PARP15: variants seen among roughly 807,000 people sequenced by gnomAD.
PARP15 encodes the protein protein mono-ADP-ribosyltransferase PARP15.
A neutral mutation model predicts 62.1 loss-of-function variants in PARP15; 50 were observed. The ratio of observed to expected loss-of-function variants is 0.81; its 90% CI spans 0.64 to 1.02. The LOEUF (loss-of-function observed/expected upper bound fraction) is 1.02. Ranked by LOEUF, PARP15 falls within the 50% of genes least tolerant of loss-of-function variation. The pLI, the probability that PARP15 is intolerant of heterozygous loss-of-function variation, is 0.00. For missense variants in PARP15, 820 were observed against 826.5 expected, an observed-to-expected ratio of 0.99 and a Z score of 0.10; for synonymous variants, 309 against 293.1, an observed-to-expected ratio of 1.05 and a Z score of -0.55.
intron 4 of PARP15, among the ~76,000 whole-genome samples, chr3:122,614,429 C>G (rs546445287): frequency 2.6e-5 from 4 of 152,084 alleles, no homozygotes; most frequent in African/African-American, 9.7e-5. Flanking sequence ...TCCCAGAGTT[C>G]CCCAGAAACA....
rs1291164754 is a variant in PARP15 at position 122,610,620 on chromosome 3, G to A, written c.433G>A (p.Glu145Lys). 6 of 1,551,622 alleles carry A rather than the reference G, an allele frequency of 3.9e-6. No individual in the cohort carries two copies. The highest frequency in any genetic ancestry group is 4.4e-6 in the Non-Finnish European group (5 of 1,146,990). The change falls in exon 3 of 12, where the codon GAG becomes AAG. Residue 145 changes from glutamate (E) to lysine (K), a missense_variant. Glu to Lys is a moderately conservative substitution (Grantham distance 56). Transcript: ENST00000464300. ...KELDDRRRET[E>K]EKVGNIFMTS... The stretch of plus-strand genomic sequence containing the variant: ...GTTAGATGACAGAAGGCGGGAAACA[G>A]AGGAAAAAGTAGGTAACATATTCAT...
At chr3:122,621,197 C>A (rs753247845) in intron 7 of PARP15, among the ~76,000 whole-genome samples, 12 of 152,080 alleles carry the variant, frequency 7.9e-5, no homozygotes, top group Non-Finnish European at 1.6e-4. Context: ...GAGGATTGAG[C>A]AGATTGATGC....
Position 122,636,110 on chromosome 3 carries a change from T to C in PARP15, c.*10T>C. On this transcript the variant is annotated 3_prime_UTR_variant, in exon 12 of 12. Transcript: ENST00000464300. ...AACTTTCACGGCTTAAAAATATTTT[T>C]ATCATCAAAGAGATGATTTAAGTCA... The C allele has an allele frequency of 6.2e-7, 1 of 1,602,404 alleles. No individual in the cohort carries two copies. Among genetic ancestry groups the C allele is most frequent in the Non-Finnish European group, 8.5e-7 (1 of 1,171,642 alleles).
chr3:122,617,691 C>T (rs1053637702), intron 6 of PARP15, among the ~76,000 whole-genome samples: 8 of 152,166 alleles, frequency 5.3e-5, no homozygotes, highest in Non-Finnish European at 1.0e-4. Flanking sequence ...GCCCTCCCCT[C>T]ATATGTCTAT....
At chr3:122,631,020 C>T (rs899021790) in intron 9 of PARP15, among the ~76,000 whole-genome samples, 1 of 152,172 alleles carries the variant, frequency 6.6e-6, no homozygotes, top group Non-Finnish European at 1.5e-5. Context: ...TTTCCAGCCT[C>T]AGGGCATGAA....
At position 122,610,565 on chromosome 3, in the gene PARP15, G is replaced by A. The variant is rs1220141764; in HGVS notation, c.378G>A (p.Leu126=). The part of the protein sequence containing the change: ...LGGGPLSRAF[L]QKAGPMLQKE... ...GAGGACCACTATCTCGGGCATTTTT[G>A]CAGAAAGCTGGTCCCATGCTCCAGA... Residue 126 remains leucine, a synonymous_variant, in exon 3 of 12, where the codon TTG becomes TTA. Coordinates refer to ENST00000464300, the MANE Select transcript of PARP15 (RefSeq NM_001113523.3). 1.3e-6 allele frequency: 2 copies of A among 1,551,590 alleles called. No homozygotes were observed. The highest frequency in any genetic ancestry group is 1.7e-6 in the Non-Finnish European group (2 of 1,147,020).
intron 9 of PARP15, among the ~76,000 whole-genome samples, chr3:122,631,731 T>G (rs1937070774): frequency 6.6e-6 from 1 of 152,240 alleles, no homozygotes; most frequent in South Asian, 2.1e-4. Flanking sequence ...TAAATATTAC[T>G]GATAAAAGCA....
At chr3:122,579,999 G>GTA (rs59527124) in intron 1 of PARP15, among the ~76,000 whole-genome samples, 4,733 of 63,852 alleles carry the variant, frequency 0.074, 252 homozygotes, top group Non-Finnish European at 0.099. Flanking sequence ...GCAACTATAT[G>GTA]TATATATATA....
chr3:122,626,857 C>A lies in PARP15; in HGVS notation c.1262C>A (p.Ala421Asp). The A allele has an allele frequency of 6.2e-7, 1 of 1,612,808 alleles. No homozygotes were observed. Among genetic ancestry groups the A allele is most frequent in the South Asian group, 1.1e-5 (1 of 90,462 alleles). Residue 421 changes from alanine to aspartate, a missense_variant, in exon 9 of 12, where the codon GCT becomes GAT. Around this residue, in one of 3 missense-constraint regions of PARP15, gnomAD observed 731 missense variants for 727.7 expected, o/e 1.00. Transcript: ENST00000464300. ...GCCGGAAAAAACCCTATCACAGTTG[C>A]TGATAACATAATCGATGCTATTGTA... ...GNAGKNPITV[A>D]DNIIDAIVDF...
intron 1 of PARP15, among the ~76,000 whole-genome samples, chr3:122,580,011 A>G (rs9798886): frequency 0.14 from 16,013 of 115,450 alleles, 1,675 homozygotes; most frequent in East Asian, 0.28. Flanking sequence ...ATATATATAT[A>G]TATATATATA....
At chr3:122,620,271 G>A (rs1389149083) in intron 7 of PARP15, among the ~76,000 whole-genome samples, 1 of 152,202 alleles carries the variant, frequency 6.6e-6, no homozygotes, top group African/African-American at 2.4e-5. Context: ...GTGAAGTGCT[G>A]TACAAACTTT....
intron 1 of PARP15, among the ~76,000 whole-genome samples, chr3:122,592,979 T>C (rs1360860881): frequency 6.6e-6 from 1 of 152,202 alleles, no homozygotes; most frequent in Non-Finnish European, 1.5e-5. Flanking sequence ...TACTTCATTT[T>C]TGTAAATCAT....
At chr3:122,628,071 T>C (rs1936844687) in intron 9 of PARP15, among the ~76,000 whole-genome samples, 1 of 152,242 alleles carries the variant, frequency 6.6e-6, no homozygotes, top group South Asian at 2.1e-4. Context: ...TCTTCTCAGC[T>C]ATGTTGTCTT....
chr3:122,594,809 C>T, intron 1 of PARP15: 1 of 982,194 alleles, frequency 1.0e-6, no homozygotes, highest in Non-Finnish European at 1.2e-6. Context: ...TTCAGATTTC[C>T]TCAGAACCTT....
At chr3:122,624,974 C>G (rs1441666833) in intron 8 of PARP15, among the ~76,000 whole-genome samples, 1 of 152,092 alleles carries the variant, frequency 6.6e-6, no homozygotes, top group Non-Finnish European at 1.5e-5. Context: ...AGCCATGCAG[C>G]CTGGTCCCAA....
intron 6 of PARP15, among the ~76,000 whole-genome samples, chr3:122,619,076 A>G (rs1936172259): frequency 1.3e-5 from 2 of 152,234 alleles, no homozygotes; most frequent in Admixed American, 1.3e-4. Context: ...ACTAACATTC[A>G]TTCAATATTT....
In PARP15 at chr3:122,638,741, T is replaced by C. The variant is rs900507449; in HGVS notation, c.*2641T>C. ...GTAGATTGCAAAAATTTTCTCCCAT[T>C]CTGTAGGTTGCCTGTTCACTCTGAT... On this transcript the variant is annotated 3_prime_UTR_variant, in exon 12 of 12. Transcript: ENST00000464300. 1.3e-5 allele frequency: 2 copies of C among 152,192 alleles called. No individual in the cohort carries two copies. Among genetic ancestry groups the C allele is most frequent in the Non-Finnish European group, 2.9e-5 (2 of 68,036 alleles). 9.4% of individuals were successfully genotyped at this position (152,192 alleles called of 1,614,324 possible). A position where few individuals can be genotyped will look rare whatever the true frequency, so the allele number is the denominator to read the frequency against.
intron 9 of PARP15, among the ~76,000 whole-genome samples, chr3:122,628,584 T>C (rs1254816488): frequency 1.3e-5 from 2 of 152,202 alleles, no homozygotes; most frequent in African/African-American, 4.8e-5. Flanking sequence ...TTCATCACTC[T>C]TTGCTTTCAT....
intron 10 of PARP15, among the ~76,000 whole-genome samples, chr3:122,632,915 G>C (rs1937140161): frequency 6.6e-6 from 1 of 152,178 alleles, no homozygotes; most frequent in Non-Finnish European, 1.5e-5. Context: ...TGATGGGGTA[G>C]AATGCATGTT....
Sources: gnomAD v4.1 joint callset for allele counts (sites outside exome capture counted in the v4.1 genomes callset) on GRCh38, gnomAD v4.1.1 for gene constraint, gnomAD v4.1.1 regional missense constraint, MANE v1.5 for transcripts, NCBI Gene and HGNC (gene_info 2026-07-23, HGNC 2026-07-21) for gene names.